RYR2: variants seen among roughly 807,000 people sequenced by gnomAD.
RYR2 encodes cardiac muscle ryanodine receptor-calcium release channel.
In RYR2, 227 loss-of-function variants were observed where a neutral mutation model predicts 601.1. The ratio of observed to expected loss-of-function variants is 0.38; its 90% CI spans 0.34 to 0.42. RYR2 has a LOEUF of 0.42. Among genes scored for constraint, RYR2 ranks in the 10% least tolerant of loss-of-function variants. The pLI is 1.00. For synonymous variants in RYR2, 2,223 were observed against 2,175.1 expected (o/e 1.02, Z -0.61); for missense variants, 4,646 against 6,156.5 (o/e 0.75, Z 8.21).
At chr1:237,761,610 TTC>T (rs1370157659) in intron 84 of RYR2, among the ~76,000 whole-genome samples, 10 of 152,176 alleles carry the variant, frequency 6.6e-5, no homozygotes, top group African/African-American at 2.4e-4. Context: ...CTTAGAATTT[TTC>T]TCTCTCTAAA....
chr1:237,098,779 A>G (rs1260822028), intron 1 of RYR2, among the ~76,000 whole-genome samples: 1 of 152,196 alleles, frequency 6.6e-6, no homozygotes, highest in African/African-American at 2.4e-5. Context: ...TGGAAAGGGA[A>G]ATGAAGAGGT....
chr1:237,817,385 T>C (rs1048265583), intron 100 of RYR2, among the ~76,000 whole-genome samples: 3 of 152,132 alleles, frequency 2.0e-5, no homozygotes, highest in Admixed American at 2.0e-4. Context: ...GTGAGATCTG[T>C]GGGTTGAGGC....
intron 29 of RYR2, among the ~76,000 whole-genome samples, chr1:237,589,043 A>G (rs1302067655): frequency 6.6e-6 from 1 of 152,180 alleles, no homozygotes; most frequent in African/African-American, 2.4e-5. Flanking sequence ...CACACATGGG[A>G]AGAGCTTATG....
intron 33 of RYR2, among the ~76,000 whole-genome samples, chr1:237,594,886 G>GTTTTTTTTGTTTTGTTTTTTTTTTTTT (rs1675642723): frequency 5.0e-5 from 3 of 60,420 alleles, no homozygotes; most frequent in African/African-American, 9.5e-5. Flanking sequence ...ATATCACTGG[G>GTTTTTTTTGTTTTGTTTTTTTTTTTTT]TTTTTTTTTT....
Position 237,322,821 on chromosome 1 carries a change from C to CGTGTGTGT in RYR2, c.169-8037_169-8030dup, listed in dbSNP as rs113420477. Among the ~76,000 whole-genome samples, 913 of 143,126 alleles carry CGTGTGTGT rather than the reference C, an allele frequency of 6.4e-3. 10 individuals carry two copies. The highest frequency in any genetic ancestry group is 0.022 in the African/African-American group (857 of 38,858). The allele number at this position is 143,126 out of a possible 152,430, so 93.9% of individuals were successfully genotyped here. A position where few individuals can be genotyped will look rare whatever the true frequency, so the allele number is the denominator to read the frequency against. On this transcript the variant is annotated intron_variant, in intron 2 of 104. Transcript: ENST00000366574. Reference sequence around the variant, plus strand: ...CCTACATACGTAATAAACACACACACGTGTGTGTGTGTGTGTGTGTGTGTG... The same window carrying CGTGTGTGT: ...CCTACATACGTAATAAACACACACACGTGTGTGTGTGTGTGTGTGTGTGTGTGTGTGTG...
chr1:237,534,361 A>G (rs1270091037), intron 25 of RYR2, among the ~76,000 whole-genome samples: 1 of 152,086 alleles, frequency 6.6e-6, no homozygotes, highest in African/African-American at 2.4e-5. Context: ...ATAGACAAAT[A>G]TGCAATCACA....
chr1:237,721,621 C>T (rs955492794), intron 73 of RYR2, among the ~76,000 whole-genome samples: 7 of 152,038 alleles, frequency 4.6e-5, no homozygotes, highest in African/African-American at 9.7e-5. Flanking sequence ...TGGGTTCAAG[C>T]GATTCTCCTG....
intron 48 of RYR2, among the ~76,000 whole-genome samples, chr1:237,646,675 A>G (rs115359454): frequency 2.9e-3 from 444 of 152,336 alleles, no homozygotes; most frequent in African/African-American, 0.01. Flanking sequence ...CCTCAGAATA[A>G]TAATGAAAGA....
chr1:237,667,224 C>G (rs574056226), intron 57 of RYR2, among the ~76,000 whole-genome samples: 3 of 152,144 alleles, frequency 2.0e-5, no homozygotes, highest in South Asian at 4.1e-4. Context: ...ATATGGTGTT[C>G]AAATAACATA....
chr1:237,129,288 C>T (rs1032071551), intron 1 of RYR2, among the ~76,000 whole-genome samples: 6 of 152,164 alleles, frequency 3.9e-5, no homozygotes, highest in Admixed American at 3.9e-4. Flanking sequence ...TATTGATGGA[C>T]TAGGCATTTT....
chr1:237,552,267 A>G (rs970359483), intron 27 of RYR2, among the ~76,000 whole-genome samples: 1 of 152,190 alleles, frequency 6.6e-6, no homozygotes, highest in Non-Finnish European at 1.5e-5. Flanking sequence ...AAGCCAAAAA[A>G]TGGCAATCAA....
At chr1:237,166,595 A>C (rs1164213717) in intron 1 of RYR2, among the ~76,000 whole-genome samples, 1 of 152,208 alleles carries the variant, frequency 6.6e-6, no homozygotes, top group East Asian at 1.9e-4. Flanking sequence ...AAGCAGGCAA[A>C]ATCTAGCATG....
intron 16 of RYR2, among the ~76,000 whole-genome samples, chr1:237,463,617 G>A (rs1416503861): frequency 6.6e-6 from 1 of 152,106 alleles, no homozygotes; most frequent in East Asian, 1.9e-4. Context: ...AAGGCAGTGG[G>A]ATCACTTGAG....
intron 47 of RYR2, among the ~76,000 whole-genome samples, chr1:237,641,489 C>CTT (rs1553265003): frequency 5.6e-5 from 7 of 125,088 alleles, no homozygotes; most frequent in African/African-American, 1.5e-4. Flanking sequence ...TTCTTTCTTT[C>CTT]TTTCTTTCTT....
chr1:237,317,139 T>C (rs1695192392), intron 2 of RYR2, among the ~76,000 whole-genome samples: 1 of 152,218 alleles, frequency 6.6e-6, no homozygotes, highest in Admixed American at 6.5e-5. Flanking sequence ...CCATCTCATT[T>C]AAAATGCAAA....
At chr1:237,783,287 A>C (rs1695275596) in intron 89 of RYR2, among the ~76,000 whole-genome samples, 1 of 152,228 alleles carries the variant, frequency 6.6e-6, no homozygotes, top group Admixed American at 6.5e-5. Context: ...ACATTAAATC[A>C]GATATTGTCT....
chr1:237,105,629 C>T (rs187763961), intron 1 of RYR2, among the ~76,000 whole-genome samples: 2 of 151,766 alleles, frequency 1.3e-5, no homozygotes, highest in African/African-American at 2.4e-5. Context: ...GTCAGGAGAT[C>T]GAGACCAGCC....
chr1:237,373,935 G>A (rs910751000), intron 6 of RYR2, among the ~76,000 whole-genome samples: 4 of 152,214 alleles, frequency 2.6e-5, no homozygotes, highest in African/African-American at 9.7e-5. Flanking sequence ...AGACTACATT[G>A]TACTTTTGCA....
At chr1:237,343,694 A>G (rs554962269) in intron 3 of RYR2, among the ~76,000 whole-genome samples, 1 of 152,338 alleles carries the variant, frequency 6.6e-6, no homozygotes, top group South Asian at 2.1e-4. Context: ...GAAATTAATT[A>G]TATCATTTAT....
Sources: allele counts gnomAD v4.1 joint callset (sites outside exome capture counted in the v4.1 genomes callset), GRCh38; gene constraint gnomAD v4.1.1; transcripts MANE v1.5; gene names NCBI Gene and HGNC (gene_info 2026-07-23, HGNC 2026-07-21).